SLC22A23: variants seen among roughly 807,000 people sequenced by gnomAD.
The protein encoded by SLC22A23 is ion transporter protein.
SLC22A23 carries 26 observed loss-of-function variants against 61.0 expected under a neutral mutation model. The observed-to-expected ratio is 0.43, with a 90% CI of 0.31 to 0.59. The LOEUF (loss-of-function observed/expected upper bound fraction) is 0.59. SLC22A23 is among the 20% of genes least tolerant of loss of function. SLC22A23 has a pLI of 0.11. For missense variants in SLC22A23, 796 were observed against 934.7 expected, an observed-to-expected ratio of 0.85 and a Z score of 1.94; for synonymous variants, 430 against 413.9, an observed-to-expected ratio of 1.04 and a Z score of -0.47.
chr6:3,388,662 C>T (rs1767460852), intron 3 of SLC22A23, among the ~76,000 whole-genome samples: 2 of 152,220 alleles, frequency 1.3e-5, no homozygotes, highest in African/African-American at 4.8e-5. Flanking sequence ...AAGTCTCCAT[C>T]AACTGATGAA....
At chr6:3,298,948 C>A (rs941811248) in intron 4 of SLC22A23, among the ~76,000 whole-genome samples, 2 of 137,238 alleles carry the variant, frequency 1.5e-5, no homozygotes, top group African/African-American at 6.0e-5. Context: ...GTCCGCAGTC[C>A]GGCCTGGGCG....
intron 5 of SLC22A23, 196 bp from the exon 6 acceptor site, chr6:3,290,062 C>T (rs928736879): frequency 3.3e-6 from 2 of 605,466 alleles, no homozygotes; most frequent in Admixed American, 2.9e-5. Context: ...CCCAGCTTTG[C>T]AGTTCAGGTT....
At position 3,427,164 on chromosome 6, in the gene SLC22A23, C is replaced by T. The variant is rs1770551147; in HGVS notation, c.655-11309G>A. Among the ~76,000 whole-genome samples the T allele has an allele frequency of 6.6e-6, 1 of 152,174 alleles. No homozygotes were observed. Among genetic ancestry groups the T allele is most frequent in the Admixed American group, 6.5e-5 (1 of 15,278 alleles). ...TCACCGTGTGGGGGCTCAGTTTTAA[C>T]ATCTATGACGTAGGAGTCGCAAAAC... On this transcript the variant is annotated intron_variant, in intron 1 of 9. Coordinates refer to ENST00000406686, the MANE Select transcript of SLC22A23 (RefSeq NM_015482.2). This position sits in a 1 kb window ranked among gnomAD's most constrained non-coding sequence, Gnocchi z 4.3.
intron 2 of SLC22A23, among the ~76,000 whole-genome samples, chr6:3,411,597 T>C (rs1270249897): frequency 2.6e-5 from 4 of 151,666 alleles, no homozygotes; most frequent in Admixed American, 2.0e-4. Context: ...ATGGGTGGGT[T>C]TTATGGGATG....
chr6:3,331,266 G>T (rs1042201139), intron 3 of SLC22A23, among the ~76,000 whole-genome samples: 2 of 152,224 alleles, frequency 1.3e-5, no homozygotes, highest in African/African-American at 4.8e-5. Context: ...TGCCCCACCA[G>T]AATCTAAGCT....
rs1772428799 is a variant in SLC22A23 at position 3,456,746 on chromosome 6, G to A, written c.-187C>T. 4.5e-6 allele frequency: 1 copy of A among 221,228 alleles called. No individual in the cohort carries two copies. The highest frequency in any genetic ancestry group is 7.4e-6 in the Non-Finnish European group (1 of 134,424). 13.7% of individuals were successfully genotyped at this position (221,228 alleles called of 1,614,324 possible). On this transcript the variant is annotated 5_prime_UTR_variant, in exon 1 of 10. Transcript: ENST00000406686. This position sits in a 1 kb window ranked among gnomAD's most constrained non-coding sequence, Gnocchi z 7.1. ...CCCCATGTCACCCGCCGGACCCCGCGCCCCGGGCGCTGCGGCCCCGCTCGG... is the reference window on the plus strand; with the variant it reads ...CCCCATGTCACCCGCCGGACCCCGCACCCCGGGCGCTGCGGCCCCGCTCGG...
At chr6:3,354,257 C>T (rs1764943217) in intron 3 of SLC22A23, among the ~76,000 whole-genome samples, 1 of 152,246 alleles carries the variant, frequency 6.6e-6, no homozygotes, top group Admixed American at 6.5e-5. Flanking sequence ...CAAAGACACT[C>T]CTTTCAGGAC....
At chr6:3,385,337 A>T (rs1180616933) in intron 3 of SLC22A23, among the ~76,000 whole-genome samples, 1 of 152,030 alleles carries the variant, frequency 6.6e-6, no homozygotes, top group Non-Finnish European at 1.5e-5. Flanking sequence ...ACACAGCAAA[A>T]TCCTGTCTCT....
At chr6:3,438,249 A>G (rs1043162809) in intron 1 of SLC22A23, among the ~76,000 whole-genome samples, 1 of 152,228 alleles carries the variant, frequency 6.6e-6, no homozygotes, top group African/African-American at 2.4e-5. Flanking sequence ...CGATCATGTA[A>G]GCAGGACCCA....
chr6:3,286,881 G>A lies in SLC22A23; in HGVS notation c.1524C>T (p.Leu508=), dbSNP rs550187337. The change falls in exon 7 of 10, where the codon CTC becomes CTT. Residue 508 remains leucine (L), a synonymous_variant. Coordinates refer to ENST00000406686, the MANE Select transcript of SLC22A23 (RefSeq NM_015482.2). This position sits in a 1 kb window ranked among gnomAD's most constrained non-coding sequence, Gnocchi z 4.2. ...LFMILTALAS[L]LQLGLLNLIG... ...CACGGTTGAGGAGGCCGAGCTGCAGGAGTGAGGCCAGGGCGGTGAGGATCA... is the reference window on the plus strand; with the variant it reads ...CACGGTTGAGGAGGCCGAGCTGCAGAAGTGAGGCCAGGGCGGTGAGGATCA... The A allele has an allele frequency of 2.5e-6, 4 of 1,606,066 alleles. No individual in the cohort carries two copies. The highest frequency in any genetic ancestry group is 1.7e-5 in the Admixed American group (1 of 58,996).
intron 3 of SLC22A23, among the ~76,000 whole-genome samples, chr6:3,401,036 GCA>G (rs1013653077): frequency 6.6e-6 from 1 of 152,132 alleles, no homozygotes; most frequent in African/African-American, 2.4e-5. Context: ...ACTAAATTGT[GCA>G]CACTTAAAAA....
chr6:3,366,854 C>T (rs1765870345), intron 3 of SLC22A23, among the ~76,000 whole-genome samples: 1 of 152,160 alleles, frequency 6.6e-6, no homozygotes, highest in Admixed American at 6.5e-5. Context: ...AAGCAAGTGA[C>T]CTCTGTCTCC....
intron 3 of SLC22A23, among the ~76,000 whole-genome samples, chr6:3,391,495 G>A (rs762555239): frequency 2.6e-5 from 4 of 152,124 alleles, no homozygotes; most frequent in Non-Finnish European, 2.9e-5. Context: ...GCAATACTGC[G>A]GCACAGATCT....
Position 3,324,270 on chromosome 6 carries a change from A to G in SLC22A23, c.914-268T>C. ...ATAATTCAGAGGAGCTTAGCTCAGAAACCAGGAAATGGTACTGCCTATGGG... is the reference window on the plus strand; with the variant it reads ...ATAATTCAGAGGAGCTTAGCTCAGAGACCAGGAAATGGTACTGCCTATGGG... On this transcript the variant is annotated intron_variant, in intron 3 of 9. Coordinates refer to ENST00000406686, the MANE Select transcript of SLC22A23 (RefSeq NM_015482.2). The surrounding 1 kb of genome is among the most constrained non-coding windows in gnomAD (Gnocchi z 4.3). 2.1e-6 allele frequency: 1 copy of G among 472,986 alleles called. No individual in the cohort carries two copies. Among genetic ancestry groups the G allele is most frequent in the Non-Finnish European group, 3.8e-6 (1 of 261,862 alleles). The allele number at this position is 472,986 out of a possible 1,614,324, so 29.3% of individuals were successfully genotyped here.
intron 3 of SLC22A23, among the ~76,000 whole-genome samples, chr6:3,401,867 G>A (rs937834158): frequency 5.3e-5 from 8 of 152,104 alleles, no homozygotes; most frequent in Admixed American, 6.5e-5. Context: ...AAATCTCCTG[G>A]CAAATCAATC....
At position 3,456,500 on chromosome 6, in the gene SLC22A23, C is replaced by T. The variant is rs1447416691; in HGVS notation, c.60G>A (p.Pro20=). 1.2e-5 allele frequency: 13 copies of T among 1,074,204 alleles called. No individual in the cohort carries two copies. Among genetic ancestry groups the T allele is most frequent in the Middle Eastern group, 4.1e-4 (1 of 2,438 alleles). The allele number at this position is 1,074,204 out of a possible 1,614,324, so 66.5% of individuals were successfully genotyped here. The part of the protein sequence containing the change: ...AGGGPGRQPA[P]AEENGSLPPG... ...GCGGCAGGGAGCCGTTCTCCTCGGC[C>T]GGGGCCGGCTGCCGCCCAGGCCCGC... Residue 20 remains proline (P), a synonymous_variant, in exon 1 of 10, where the codon CCG becomes CCA. Transcript: ENST00000406686. This position sits in a 1 kb window ranked among gnomAD's most constrained non-coding sequence, Gnocchi z 7.1.
intron 3 of SLC22A23, among the ~76,000 whole-genome samples, chr6:3,409,459 AAG>A (rs1769059585): frequency 6.6e-6 from 1 of 152,244 alleles, no homozygotes; most frequent in African/African-American, 2.4e-5. Context: ...TGGTCAAAGA[AAG>A]AGAAAAAGAC....
At position 3,386,876 on chromosome 6, in the gene SLC22A23, G is replaced by A. The variant is rs1194604802; in HGVS notation, c.913+23312C>T. On this transcript the variant is annotated intron_variant, in intron 3 of 9. Coordinates refer to ENST00000406686, the MANE Select transcript of SLC22A23 (RefSeq NM_015482.2). This position sits in a 1 kb window ranked among gnomAD's most constrained non-coding sequence, Gnocchi z 4.4. ...TTCCACAGGGCCGGCACCCCAGGGC[G>A]GGGCAGGCACCCCAGGGTGCAGCAG... 6.6e-6 allele frequency among the ~76,000 whole-genome samples: 1 copy of A among 152,156 alleles called. No individual in the cohort carries two copies. Among genetic ancestry groups the A allele is most frequent in the Admixed American group, 6.5e-5 (1 of 15,284 alleles).
chr6:3,355,123 G>A (rs1375997812), intron 3 of SLC22A23, among the ~76,000 whole-genome samples: 1 of 151,202 alleles, frequency 6.6e-6, no homozygotes, highest in Non-Finnish European at 1.5e-5. Context: ...TTATCTTTGG[G>A]CTCCTACCCT....
Sources: allele counts gnomAD v4.1 joint callset (sites outside exome capture counted in the v4.1 genomes callset), GRCh38; gene constraint gnomAD v4.1.1; non-coding constraint Gnocchi (gnomAD v3.1); transcripts MANE v1.5; gene names NCBI Gene and HGNC (gene_info 2026-07-23, HGNC 2026-07-21).